ERBB4: variants seen among roughly 807,000 people sequenced by gnomAD.
The protein encoded by ERBB4 is erb-b2 receptor tyrosine kinase 4, also known as receptor tyrosine-protein kinase erbB-4.
A neutral mutation model predicts 158.0 loss-of-function variants in ERBB4; 42 were observed. That is an observed-to-expected ratio of 0.27 (90% CI 0.21 to 0.34). The LOEUF is 0.34. Among genes scored for constraint, ERBB4 ranks in the 10% least tolerant of loss-of-function variants. ERBB4 has a pLI of 1.00. For synonymous variants in ERBB4, 583 were observed against 558.7 expected (o/e 1.04, Z -0.61); for missense variants, 1,333 against 1,624.1 (o/e 0.82, Z 3.08).
chr2:212,404,870 T>A (rs1294988312), intron 1 of ERBB4, among the ~76,000 whole-genome samples: 1 of 152,052 alleles, frequency 6.6e-6, no homozygotes, highest in African/African-American at 2.4e-5. Flanking sequence ...TTCTCATCAT[T>A]TAGCTCCCAC....
chr2:212,061,501 A>C (rs1395227548), intron 2 of ERBB4, among the ~76,000 whole-genome samples: 7 of 147,130 alleles, frequency 4.8e-5, no homozygotes, highest in Non-Finnish European at 7.5e-5. Context: ...GGAGACAACA[A>C]TTTGTGTTTC....
chr2:212,030,177 A>G (rs145105315), intron 2 of ERBB4, among the ~76,000 whole-genome samples: 154 of 152,208 alleles, frequency 1.0e-3, no homozygotes, highest in Non-Finnish European at 1.2e-3. Flanking sequence ...TCCATCTTCA[A>G]TCCCCATATC....
At chr2:212,054,227 C>T (rs1171723450) in intron 2 of ERBB4, among the ~76,000 whole-genome samples, 1 of 152,130 alleles carries the variant, frequency 6.6e-6, no homozygotes, top group Non-Finnish European at 1.5e-5. Context: ...TATAGCATAA[C>T]TCCCACCTAA....
chr2:212,264,537 A>G (rs1205791287), intron 1 of ERBB4, among the ~76,000 whole-genome samples: 1 of 152,134 alleles, frequency 6.6e-6, no homozygotes, highest in Non-Finnish European at 1.5e-5. Context: ...TCCTGTGGAC[A>G]GTTTTTACAG....
chr2:212,165,349 G>A lies in ERBB4; in HGVS notation c.83-40446C>T, dbSNP rs541991624. ...ATTTACTGAGATTTTTGGCACCCCC[G>A]TAAATTCTACATCAGAGGCAAATGT... On this transcript the variant is annotated intron_variant, in intron 1 of 27. Coordinates refer to ENST00000342788, the MANE Select transcript of ERBB4 (RefSeq NM_005235.3). Among the ~76,000 whole-genome samples the A allele has an allele frequency of 4.6e-5, 7 of 151,490 alleles. No homozygotes were observed. The East Asian group carries it at 7.8e-4, about 17-fold the overall frequency.
At chr2:211,941,716 C>CTTTTTTTTT (rs57686734) in intron 3 of ERBB4, among the ~76,000 whole-genome samples, 1 of 132,972 alleles carries the variant, frequency 7.5e-6, no homozygotes, top group Non-Finnish European at 1.6e-5. Flanking sequence ...ATTTGGAACA[C>CTTTTTTTTT]TTTTTTTTTT....
At position 211,580,813 on chromosome 2, in the gene ERBB4, ATATATATATAT is replaced by A. The variant is rs1198928317; in HGVS notation, c.2302-18736_2302-18726del. On this transcript the variant is annotated intron_variant, in intron 19 of 27. Coordinates refer to ENST00000342788, the MANE Select transcript of ERBB4 (RefSeq NM_005235.3). ...ATATATATATATATATATATATATAATATATATATATTATATATATAGATTATATATTATAT... is the reference window on the plus strand; with the variant it reads ...ATATATATATATATATATATATATAATATATATATAGATTATATATTATAT... Among the ~76,000 whole-genome samples, 76 of 36,500 alleles carry A rather than the reference ATATATATATAT, an allele frequency of 2.1e-3. 6 individuals are homozygous for A. In the African/African-American group the frequency reaches 0.03, roughly 14 times the overall value. The allele number at this position is 36,500 out of a possible 152,430, so 23.9% of individuals were successfully genotyped here.
intron 16 of ERBB4, among the ~76,000 whole-genome samples, chr2:211,642,500 CT>C (rs1381983535): frequency 6.6e-6 from 1 of 152,006 alleles, no homozygotes; most frequent in African/African-American, 2.4e-5. Flanking sequence ...CTTTACTTTC[CT>C]ACTTATGCCC....
At chr2:211,952,132 T>G (rs866445613) in intron 2 of ERBB4, among the ~76,000 whole-genome samples, 1 of 152,034 alleles carries the variant, frequency 6.6e-6, no homozygotes, top group African/African-American at 2.4e-5. Flanking sequence ...AATTCTTATA[T>G]CTAAAAGAAA....
chr2:211,554,954 C>G (rs914890885), intron 20 of ERBB4, among the ~76,000 whole-genome samples: 1 of 152,198 alleles, frequency 6.6e-6, no homozygotes, highest in African/African-American at 2.4e-5. Context: ...GCTAAATTGT[C>G]TTTTAAAAAC....
chr2:212,210,935 C>A (rs1040913956), intron 1 of ERBB4, among the ~76,000 whole-genome samples: 2 of 152,054 alleles, frequency 1.3e-5, no homozygotes, highest in East Asian at 3.9e-4. Context: ...CTCTCTCATG[C>A]TCAAACCAAA....
chr2:211,853,548 C>T (rs1575250630), intron 3 of ERBB4, among the ~76,000 whole-genome samples: 2 of 151,958 alleles, frequency 1.3e-5, no homozygotes, highest in East Asian at 1.9e-4. Flanking sequence ...GATCATTAGC[C>T]TCTTTCCTTT....
intron 5 of ERBB4, among the ~76,000 whole-genome samples, chr2:211,745,715 G>GGA (rs1553623570): frequency 1.1e-5 from 1 of 94,394 alleles, no homozygotes; most frequent in African/African-American, 3.3e-5. Context: ...TCCACCGCCA[G>GGA]AAAAAAAACA....
chr2:212,341,968 T>C (rs1460178117), intron 1 of ERBB4, among the ~76,000 whole-genome samples: 2 of 152,054 alleles, frequency 1.3e-5, no homozygotes, highest in Non-Finnish European at 2.9e-5. Context: ...AAAACTAAAG[T>C]GGCTTGAGGG....
At chr2:212,376,236 A>G (rs1173321591) in intron 1 of ERBB4, among the ~76,000 whole-genome samples, 2 of 152,048 alleles carry the variant, frequency 1.3e-5, no homozygotes, top group Admixed American at 6.6e-5. Flanking sequence ...ACAACAGGAA[A>G]TGAAACATGT....
intron 3 of ERBB4, among the ~76,000 whole-genome samples, chr2:211,929,331 C>G (rs1001920685): frequency 2.6e-5 from 4 of 151,946 alleles, no homozygotes; most frequent in African/African-American, 9.7e-5. Flanking sequence ...TACTCTTTTA[C>G]TCTTTCTCTT....
chr2:212,344,651 G>T (rs2088894370), intron 1 of ERBB4, among the ~76,000 whole-genome samples: 1 of 151,982 alleles, frequency 6.6e-6, no homozygotes, highest in Non-Finnish European at 1.5e-5. Context: ...TCAGGTAATA[G>T]AAACCACACC....
chr2:212,316,997 GTT>G (rs2087315839), intron 1 of ERBB4, among the ~76,000 whole-genome samples: 1 of 151,494 alleles, frequency 6.6e-6, no homozygotes, highest in African/African-American at 2.4e-5. Flanking sequence ...AAATCCAGAT[GTT>G]TTTCTTCCCT....
intron 3 of ERBB4, among the ~76,000 whole-genome samples, chr2:211,807,516 G>T (rs2105905962): frequency 6.6e-6 from 1 of 152,268 alleles, no homozygotes; most frequent in Non-Finnish European, 1.5e-5. Flanking sequence ...GTGTATATGT[G>T]CCACATTTTC....
Sources: allele counts gnomAD v4.1 joint callset (sites outside exome capture counted in the v4.1 genomes callset), GRCh38; gene constraint gnomAD v4.1.1; transcripts MANE v1.5; gene names NCBI Gene and HGNC (gene_info 2026-07-23, HGNC 2026-07-21).